Variants in SCN3B observed in about 807,000 individuals in gnomAD.
SCN3B encodes the protein sodium channel regulatory subunit beta-3.
Under a neutral mutation model 25.4 loss-of-function variants are expected in SCN3B, and 11 were observed. The observed-to-expected ratio is 0.43, with a 90% CI of 0.27 to 0.72. SCN3B has a LOEUF of 0.72. Ranked by LOEUF, SCN3B falls within the 30% of genes least tolerant of loss-of-function variation. SCN3B has a pLI of 0.18. For synonymous variants in SCN3B, 109 were observed against 110.7 expected (o/e 0.99, Z 0.09); for missense variants, 218 against 278.3 (o/e 0.78, Z 1.54).
At chr11:123,644,800 A>AAT (rs56135097) in intron 3 of SCN3B, among the ~76,000 whole-genome samples, 1,549 of 45,288 alleles carry the variant, frequency 0.034, 36 homozygotes, top group East Asian at 0.076. Flanking sequence ...AGAGAGAGAG[A>AAT]ATATATATAT....
At position 123,630,745 on chromosome 11, in the gene SCN3B, G is replaced by T. The variant is rs1955661247; in HGVS notation, c.*3054C>A. ...ATAGGACTGACTCTCAAAGCACATT[G>T]CTAGCATCCACCAAAAAGCAAAGTG... On this transcript the variant is annotated 3_prime_UTR_variant, in exon 7 of 7. Transcript: ENST00000299333. 6.6e-6 allele frequency: 1 copy of T among 152,222 alleles called. No individual in the cohort carries two copies. Among genetic ancestry groups the T allele is most frequent in the Non-Finnish European group, 1.5e-5 (1 of 68,046 alleles). 9.4% of individuals were successfully genotyped at this position (152,222 alleles called of 1,614,324 possible).
intron 4 of SCN3B, chr11:123,639,385 T>G (rs1378131400): frequency 2.0e-5 from 3 of 151,166 alleles, no homozygotes; most frequent in Admixed American, 1.3e-4. Flanking sequence ...TCTTTTCTCT[T>G]TTTTTTTTGA....
rs1165447417 is a variant in SCN3B at position 123,653,739 on chromosome 11, G to C, written c.55+8C>G. The C allele has an allele frequency of 1.9e-6, 3 of 1,614,090 alleles. No homozygotes were observed. In the African/African-American group the frequency reaches 4.0e-5, roughly 22 times the overall value. Reference sequence around the variant, plus strand: ...CTGCATCCGGCATGGCGAGGTGCTGGTACTTACCCCAGTAGATAAGCACGA... The same window carrying C: ...CTGCATCCGGCATGGCGAGGTGCTGCTACTTACCCCAGTAGATAAGCACGA... On this transcript the variant is annotated splice_region_variant and intron_variant, in intron 2 of 6. Transcript: ENST00000299333.
Position 123,633,445 on chromosome 11 carries a change from G to A in SCN3B, c.*354C>T, listed in dbSNP as rs917395198. On this transcript the variant is annotated 3_prime_UTR_variant, in exon 7 of 7. Transcript: ENST00000299333. ...TCCAGCCAGTTAAGGGCAGAGGGAG[G>A]TGCTAACTCCAGCACTTGTACAAAG... The A allele has an allele frequency of 6.5e-6, 1 of 154,480 alleles. No individual in the cohort carries two copies. Among genetic ancestry groups the A allele is most frequent in the African/African-American group, 2.4e-5 (1 of 41,470 alleles). The allele number at this position is 154,480 out of a possible 1,614,324, so 9.6% of individuals were successfully genotyped here. A position where few individuals can be genotyped will look rare whatever the true frequency, so the allele number is the denominator to read the frequency against.
chr11:123,653,230 G>A (rs1452772624), intron 2 of SCN3B, among the ~76,000 whole-genome samples: 1 of 151,840 alleles, frequency 6.6e-6, no homozygotes, highest in Non-Finnish European at 1.5e-5. Flanking sequence ...GTAAATGGCT[G>A]AAGGCTGTTT....
chr11:123,645,821 G>A (rs1274746918), intron 2 of SCN3B, 71 bp from the exon 3 acceptor site: 1 of 1,545,332 alleles, frequency 6.5e-7, no homozygotes, highest in Non-Finnish European at 8.9e-7. Flanking sequence ...AGAAACATTG[G>A]AGAAGAAGGA....
intron 4 of SCN3B, chr11:123,640,002 G>C (rs1027944886): frequency 2.6e-5 from 4 of 152,156 alleles, no homozygotes; most frequent in Non-Finnish European, 5.9e-5. Context: ...TTTATGATCT[G>C]CAGTTATCCA....
rs774081506 is a variant in SCN3B at position 123,653,830 on chromosome 11, C to T, written c.-25-4G>A. On this transcript the variant is annotated splice_region_variant and splice_polypyrimidine_tract_variant and intron_variant, in intron 1 of 6. Coordinates refer to ENST00000299333, the MANE Select transcript of SCN3B (RefSeq NM_001040151.2). Reference sequence around the variant, plus strand: ...CTGGGGCTGGCGGCTTCCAAGGCTACACAGAGAGATTCCCTCGGTCAAGGA... The same window carrying T: ...CTGGGGCTGGCGGCTTCCAAGGCTATACAGAGAGATTCCCTCGGTCAAGGA... The T allele has an allele frequency of 1.9e-6, 3 of 1,613,360 alleles. No homozygotes were observed. The South Asian group carries it at 3.3e-5, about 18-fold the overall frequency.
At chr11:123,634,291 A>G (rs756308540) in intron 5 of SCN3B, 85 bp from the exon 6 acceptor site, 10 of 1,050,026 alleles carry the variant, frequency 9.5e-6, no homozygotes, top group Admixed American at 1.8e-5. Context: ...GCACAGGAGC[A>G]AGGATCTACA....
chr11:123,638,647 T>G (rs940121794), intron 4 of SCN3B: 9 of 380,514 alleles, frequency 2.4e-5, no homozygotes, highest in African/African-American at 1.9e-4. Flanking sequence ...TTCCCTTACT[T>G]GAGACTCAGT....
At chr11:123,645,481 G>A (rs1955844132) in intron 3 of SCN3B, 106 bp downstream of exon 3, 2 of 1,136,576 alleles carry the variant, frequency 1.8e-6, no homozygotes, top group Non-Finnish European at 2.7e-6. Context: ...GTTTGGAAGA[G>A]AAGGAGCCAG....
chr11:123,632,058 G>A lies in SCN3B; in HGVS notation c.*1741C>T, dbSNP rs1341358647. On this transcript the variant is annotated 3_prime_UTR_variant, in exon 7 of 7. Coordinates refer to ENST00000299333, the MANE Select transcript of SCN3B (RefSeq NM_001040151.2). ...CATCTTTCCCCTCTCTTGTCCCTGG[G>A]TGCTGAAGGATGTCACACTTGGACC... 6.6e-6 allele frequency: 1 copy of A among 152,006 alleles called. No individual in the cohort carries two copies. Among genetic ancestry groups the A allele is most frequent in the East Asian group, 1.9e-4 (1 of 5,168 alleles). 9.4% of individuals were successfully genotyped at this position (152,006 alleles called of 1,614,324 possible). A position where few individuals can be genotyped will look rare whatever the true frequency, so the allele number is the denominator to read the frequency against.
At chr11:123,653,861 C>G in intron 1 of SCN3B, 35 bp from the exon 2 acceptor site, 5 of 1,581,636 alleles carry the variant, frequency 3.2e-6, no homozygotes, top group Non-Finnish European at 3.5e-6. Context: ...AAGGACTGCG[C>G]CCTCTCAGAT....
At chr11:123,634,271 AAGGAGCAGGGCAC>A (rs1955702269) in intron 5 of SCN3B, 65 bp from the exon 6 acceptor site, 1 of 1,326,100 alleles carries the variant, frequency 7.5e-7, no homozygotes, top group African/African-American at 1.4e-5. Context: ...CAAGATGGGG[AAGGAGCAGGGCAC>A]AGGAGCAAGG....
chr11:123,638,563 G>A (rs1955754676), intron 4 of SCN3B: 1 of 547,816 alleles, frequency 1.8e-6, no homozygotes, highest in Non-Finnish European at 3.3e-6. Flanking sequence ...AGCAGTGGAA[G>A]GAATCCTGGC....
chr11:123,638,153 C>T (rs1401438226), intron 5 of SCN3B, 33 bp downstream of exon 5: 2 of 1,613,388 alleles, frequency 1.2e-6, no homozygotes, highest in South Asian at 2.2e-5. Flanking sequence ...AAGGTGCTAG[C>T]TTTCATTATT....
At chr11:123,649,613 CTTTTCTTTCTT>C (rs760002685) in intron 2 of SCN3B, among the ~76,000 whole-genome samples, 2 of 151,130 alleles carry the variant, frequency 1.3e-5, no homozygotes, top group South Asian at 4.2e-4. Context: ...CTTTCTTTTT[CTTTTCTTTCTT>C]TTTTCTTTCT....
chr11:123,648,797 C>G (rs1955885574), intron 2 of SCN3B, among the ~76,000 whole-genome samples: 1 of 152,160 alleles, frequency 6.6e-6, no homozygotes, highest in Admixed American at 6.5e-5. Context: ...GCTCAACAGA[C>G]AGCAAACAGT....
At chr11:123,644,761 C>A (rs1340186099) in intron 3 of SCN3B, among the ~76,000 whole-genome samples, 1 of 113,242 alleles carries the variant, frequency 8.8e-6, no homozygotes, top group Non-Finnish European at 1.8e-5. Flanking sequence ...AGAGGGAGAC[C>A]CCGTTGAGAG....
Sources: gnomAD v4.1 joint callset for allele counts (sites outside exome capture counted in the v4.1 genomes callset) on GRCh38, gnomAD v4.1.1 for gene constraint, MANE v1.5 for transcripts, NCBI Gene and HGNC (gene_info 2026-07-23, HGNC 2026-07-21) for gene names.